The following FRAS1 variants were observed in gnomAD, a reference collection of about 807,000 sequenced individuals.
The protein encoded by FRAS1 is extracellular matrix organizing protein FRAS1.
FRAS1 carries 290 observed loss-of-function variants against 435.2 expected under a neutral mutation model. The observed-to-expected ratio is 0.67, with a 90% CI of 0.61 to 0.73. The LOEUF (loss-of-function observed/expected upper bound fraction) is 0.73. Ranked by LOEUF, FRAS1 falls within the 30% of genes least tolerant of loss-of-function variation. FRAS1 has a pLI of 0.00. For synonymous variants in FRAS1, 1,800 were observed against 1,851.0 expected (o/e 0.97, Z 0.71); for missense variants, 4,860 against 5,001.5 (o/e 0.97, Z 0.85).
At chr4:78,408,958 G>A (rs539616913) in intron 31 of FRAS1, among the ~76,000 whole-genome samples, 5 of 151,552 alleles carry the variant, frequency 3.3e-5, no homozygotes, top group Non-Finnish European at 7.4e-5. Context: ...ACCCTGTCTC[G>A]CAAAAAATAC....
At chr4:78,309,854 C>CT (rs962571268) in intron 15 of FRAS1, among the ~76,000 whole-genome samples, 7 of 151,276 alleles carry the variant, frequency 4.6e-5, no homozygotes, top group East Asian at 1.9e-4. Flanking sequence ...GCCAGGAGGA[C>CT]TTTTTTTTTC....
intron 47 of FRAS1, among the ~76,000 whole-genome samples, chr4:78,457,038 C>CTGGA (rs1491207507): frequency 6.6e-6 from 1 of 152,044 alleles, no homozygotes; most frequent in Non-Finnish European, 1.5e-5. Flanking sequence ...CTACCTCGTG[C>CTGGA]TGGATGCCCC....
intron 41 of FRAS1, 102 bp from the exon 42 acceptor site, chr4:78,445,420 T>C: frequency 7.1e-7 from 1 of 1,398,614 alleles, no homozygotes. Flanking sequence ...CTCAAATACA[T>C]TTTCTTTTTT....
At chr4:78,215,547 C>A (rs570231880) in intron 2 of FRAS1, among the ~76,000 whole-genome samples, 1 of 152,300 alleles carries the variant, frequency 6.6e-6, no homozygotes, top group East Asian at 1.9e-4. Context: ...CATTGTTGTA[C>A]AACCAATCCA....
At chr4:78,337,864 CG>C (rs754402226) in intron 20 of FRAS1, 47 bp downstream of exon 20, 28 of 1,606,706 alleles carry the variant, frequency 1.7e-5, no homozygotes, top group Admixed American at 1.7e-5. Context: ...GGGCAGCTGC[CG>C]GGGCTCTTCA....
intron 20 of FRAS1, among the ~76,000 whole-genome samples, chr4:78,361,937 G>A (rs67458307): frequency 0.62 from 94,109 of 151,422 alleles, 29,805 homozygotes; most frequent in Non-Finnish European, 0.67. Context: ...CTGCCTTTGG[G>A]TTAAAGGATG....
At chr4:78,456,800 C>T (rs988625521) in intron 47 of FRAS1, among the ~76,000 whole-genome samples, 5 of 152,282 alleles carry the variant, frequency 3.3e-5, no homozygotes, top group Non-Finnish European at 2.9e-5. Flanking sequence ...GTCTAAAAGG[C>T]CAGTTGTGGA....
At chr4:78,373,697 C>T (rs575249370) in intron 24 of FRAS1, among the ~76,000 whole-genome samples, 1 of 151,920 alleles carries the variant, frequency 6.6e-6, no homozygotes, top group Non-Finnish European at 1.5e-5. Flanking sequence ...ATCGCTTGAA[C>T]CCGGGAGGCA....
intron 4 of FRAS1, among the ~76,000 whole-genome samples, chr4:78,251,984 A>G (rs1725553154): frequency 6.6e-6 from 1 of 152,204 alleles, no homozygotes; most frequent in Non-Finnish European, 1.5e-5. Context: ...GATAAAAAGT[A>G]AAGTCAAAGA....
intron 38 of FRAS1, among the ~76,000 whole-genome samples, chr4:78,436,166 C>G (rs1177298916): frequency 1.3e-5 from 2 of 151,850 alleles, no homozygotes; most frequent in African/African-American, 4.8e-5. Flanking sequence ...TCCTGCAGAT[C>G]AAGAAGAAAA....
intron 18 of FRAS1, among the ~76,000 whole-genome samples, chr4:78,325,241 C>G (rs1485019905): frequency 2.0e-5 from 3 of 152,122 alleles, no homozygotes; most frequent in Non-Finnish European, 2.9e-5. Context: ...AAAATTGCTA[C>G]AGGTTTAGTA....
At chr4:78,059,360 G>T (rs28733880) in intron 1 of FRAS1, among the ~76,000 whole-genome samples, 36,214 of 152,050 alleles carry the variant, frequency 0.24, 4,625 homozygotes, top group East Asian at 0.35. Flanking sequence ...GGGTCCAGGT[G>T]CTGCCTTCTG....
intron 2 of FRAS1, among the ~76,000 whole-genome samples, chr4:78,142,595 TCA>T (rs1720241723): frequency 1.3e-5 from 2 of 152,118 alleles, no homozygotes; most frequent in Admixed American, 1.3e-4. Context: ...AGATGGAGGC[TCA>T]GAGATACAGG....
At position 78,113,784 on chromosome 4, in the gene FRAS1, G is replaced by T. The variant is rs555317340; in HGVS notation, c.108+47768G>T. On this transcript the variant is annotated intron_variant, in intron 2 of 73. Transcript: ENST00000512123. ...TTTCTCCCGTTCTGTAGGTTGCCTG[G>T]TCTCTCTGATGGTAGTTTCTTTTGC... Among the ~76,000 whole-genome samples, 433 of 152,144 alleles carry T rather than the reference G, an allele frequency of 2.8e-3. 3 individuals are homozygous for T. Among genetic ancestry groups the T allele is most frequent in the Admixed American group, 0.012 (182 of 15,242 alleles).
intron 2 of FRAS1, among the ~76,000 whole-genome samples, chr4:78,215,957 T>C (rs983984781): frequency 2.6e-5 from 4 of 152,250 alleles, no homozygotes; most frequent in African/African-American, 9.6e-5. Flanking sequence ...ATTTCCCTAT[T>C]CTGGAATTTA....
intron 20 of FRAS1, among the ~76,000 whole-genome samples, chr4:78,346,504 T>C (rs2110278424): frequency 6.6e-6 from 1 of 152,284 alleles, no homozygotes; most frequent in African/African-American, 2.4e-5. Flanking sequence ...ATATGATCAC[T>C]GTGTCATCAG....
intron 50 of FRAS1, 131 bp from the exon 51 acceptor site, chr4:78,469,847 C>G (rs1017547980): frequency 1.4e-6 from 1 of 705,378 alleles, no homozygotes; most frequent in Admixed American, 2.2e-5. Flanking sequence ...GGGATGGGAA[C>G]GGGCTCAGTT....
At chr4:78,424,364 T>A in intron 34 of FRAS1, 24 bp from the exon 35 acceptor site, 9 of 1,392,544 alleles carry the variant, frequency 6.5e-6, no homozygotes, top group Non-Finnish European at 8.8e-6. Context: ...TTTAATATAC[T>A]GATTGTCTCT....
chr4:78,162,369 T>C (rs1721179662), intron 2 of FRAS1, among the ~76,000 whole-genome samples: 1 of 152,182 alleles, frequency 6.6e-6, no homozygotes, highest in Non-Finnish European at 1.5e-5. Flanking sequence ...AAAATTTGGT[T>C]TTAAGTGGGA....
Sources: allele counts gnomAD v4.1 joint callset (sites outside exome capture counted in the v4.1 genomes callset), GRCh38; gene constraint gnomAD v4.1.1; transcripts MANE v1.5; gene names NCBI Gene and HGNC (gene_info 2026-07-23, HGNC 2026-07-21).